The following MAD1L1 variants were observed in gnomAD, a reference collection of about 807,000 sequenced individuals.
The protein encoded by MAD1L1 is mitotic spindle assembly checkpoint protein MAD1.
Under a neutral mutation model 96.9 loss-of-function variants are expected in MAD1L1, and 95 were observed. The observed-to-expected ratio is 0.98, with a 90% CI of 0.83 to 1.16. MAD1L1 has a LOEUF of 1.16. Among genes scored for constraint, MAD1L1 ranks in the 50% most tolerant of loss-of-function variants. The pLI, the probability that MAD1L1 is intolerant of heterozygous loss-of-function variation, is 0.00. For missense variants in MAD1L1, 1,007 were observed against 954.4 expected (o/e 1.06, Z -0.73); for synonymous variants, 473 against 396.6 (o/e 1.19, Z -2.29).
chr7:1,970,281 C>G (rs1262854292), intron 15 of MAD1L1, among the ~76,000 whole-genome samples: 1 of 150,154 alleles, frequency 6.7e-6, no homozygotes, highest in Non-Finnish European at 1.5e-5. Context: ...GTTCATAGAG[C>G]TGTATCCTAT....
intron 18 of MAD1L1, among the ~76,000 whole-genome samples, chr7:1,887,848 C>A (rs28970524): frequency 1.2e-5 from 1 of 85,200 alleles, no homozygotes. Flanking sequence ...GCGTCCTGTG[C>A]GTGTGTGTGT....
chr7:1,970,242 T>C (rs1780343684), intron 15 of MAD1L1, among the ~76,000 whole-genome samples: 1 of 152,156 alleles, frequency 6.6e-6, no homozygotes, highest in Non-Finnish European at 1.5e-5. Flanking sequence ...GTTGATGTTA[T>C]TTTGCACTCT....
At chr7:2,223,030 G>C (rs1333404456) in intron 4 of MAD1L1, among the ~76,000 whole-genome samples, 3 of 152,224 alleles carry the variant, frequency 2.0e-5, no homozygotes, top group Admixed American at 6.5e-5. Flanking sequence ...CACACCGTCT[G>C]CTCAGCAGTT....
intron 18 of MAD1L1, among the ~76,000 whole-genome samples, chr7:1,895,152 C>T (rs1786787477): frequency 6.6e-6 from 1 of 152,172 alleles, no homozygotes; most frequent in Non-Finnish European, 1.5e-5. Flanking sequence ...GCAGGTGGGC[C>T]TTGATGCTGG....
At chr7:1,987,649 G>A (rs1029962171) in intron 14 of MAD1L1, among the ~76,000 whole-genome samples, 2 of 152,196 alleles carry the variant, frequency 1.3e-5, no homozygotes, top group Admixed American at 1.3e-4. Context: ...CAGTGCCCTC[G>A]CCCAGCCGCC....
intron 11 of MAD1L1, among the ~76,000 whole-genome samples, chr7:2,126,570 C>T (rs544091354): frequency 1.3e-5 from 2 of 152,268 alleles, no homozygotes; most frequent in East Asian, 1.9e-4. Context: ...CACTAAGAAT[C>T]GACACAGGCC....
Position 2,179,041 on chromosome 7 carries a change from C to G in MAD1L1, c.987-29803G>C, listed in dbSNP as rs542531679. Among the ~76,000 whole-genome samples the G allele has an allele frequency of 3.4e-4, 52 of 152,272 alleles. No homozygotes were observed. In the South Asian group the frequency reaches 5.6e-3, roughly 16 times the overall value. On this transcript the variant is annotated intron_variant, in intron 10 of 18. Coordinates refer to ENST00000265854, the MANE Select transcript of MAD1L1 (RefSeq NM_001013836.2). ...GAGTAAGAGCCTATGGAAGTTCACT[C>G]CACCATAAAAGCAACAGAAGAGTGA...
At chr7:1,956,586 C>G (rs1779737892) in intron 16 of MAD1L1, among the ~76,000 whole-genome samples, 1 of 152,242 alleles carries the variant, frequency 6.6e-6, no homozygotes, top group South Asian at 2.1e-4. Context: ...AGGGGCAGAG[C>G]CCCCACCCCT....
intron 13 of MAD1L1, among the ~76,000 whole-genome samples, chr7:2,009,325 C>A (rs886368427): frequency 2.6e-5 from 4 of 152,214 alleles, no homozygotes; most frequent in Non-Finnish European, 1.5e-5. Flanking sequence ...CACAGGACAG[C>A]CGGACTGAGG....
chr7:2,170,210 GGAAA>G (rs1790646742), intron 10 of MAD1L1, among the ~76,000 whole-genome samples: 1 of 152,198 alleles, frequency 6.6e-6, no homozygotes, highest in Admixed American at 6.5e-5. Flanking sequence ...GAGCCCCTGA[GGAAA>G]GAAGGCAGCC....
intron 18 of MAD1L1, among the ~76,000 whole-genome samples, chr7:1,889,998 G>A (rs902638694): frequency 6.6e-6 from 1 of 152,132 alleles, no homozygotes; most frequent in African/African-American, 2.4e-5. Context: ...AGGCAGCTGG[G>A]AGGTGGAGCT....
At chr7:2,159,180 C>T (rs1470914310) in intron 10 of MAD1L1, among the ~76,000 whole-genome samples, 3 of 152,228 alleles carry the variant, frequency 2.0e-5, no homozygotes, top group African/African-American at 7.2e-5. Context: ...AGCAAACCCT[C>T]GTCACGCTGT....
chr7:2,029,188 T>C (rs1783109777), intron 12 of MAD1L1, among the ~76,000 whole-genome samples: 1 of 152,248 alleles, frequency 6.6e-6, no homozygotes, highest in African/African-American at 2.4e-5. Flanking sequence ...TCCCATTCTG[T>C]AGTGTTAGTC....
chr7:2,031,236 C>G (rs1167491823), intron 12 of MAD1L1, among the ~76,000 whole-genome samples: 2 of 152,176 alleles, frequency 1.3e-5, no homozygotes, highest in East Asian at 3.9e-4. Flanking sequence ...ACACAGAGCA[C>G]GCTCCCTTCC....
At chr7:2,110,078 G>A (rs1054484856) in intron 11 of MAD1L1, among the ~76,000 whole-genome samples, 13 of 152,262 alleles carry the variant, frequency 8.5e-5, no homozygotes, top group East Asian at 3.8e-4. Context: ...AAAGCAGCGG[G>A]AAGTTCAGTT....
At chr7:1,880,291 G>C (rs1785611489) in intron 18 of MAD1L1, among the ~76,000 whole-genome samples, 1 of 152,194 alleles carries the variant, frequency 6.6e-6, no homozygotes, top group Admixed American at 6.5e-5. Flanking sequence ...AGGCTGGGCA[G>C]ATGGGGCCAC....
chr7:2,198,666 AGACAGACACTCCCT>A, intron 10 of MAD1L1, among the ~76,000 whole-genome samples: 1 of 152,188 alleles, frequency 6.6e-6, no homozygotes. Context: ...GGCGTCCATG[AGACAGACACTCCCT>A]GATGTGTCCC....
At chr7:1,868,810 G>A (rs1054063221) in intron 18 of MAD1L1, among the ~76,000 whole-genome samples, 5 of 152,328 alleles carry the variant, frequency 3.3e-5, no homozygotes, top group South Asian at 4.1e-4. Context: ...TGTCAGCTAA[G>A]GAGCTGAAGG....
chr7:2,044,954 AC>A (rs1783855929), intron 12 of MAD1L1, among the ~76,000 whole-genome samples: 1 of 152,168 alleles, frequency 6.6e-6, no homozygotes, highest in South Asian at 2.1e-4. Flanking sequence ...AGCAGCAGCA[AC>A]CATTCTCCGC....
Sources: allele counts gnomAD v4.1 joint callset (sites outside exome capture counted in the v4.1 genomes callset), GRCh38; gene constraint gnomAD v4.1.1; transcripts MANE v1.5; gene names NCBI Gene and HGNC (gene_info 2026-07-23, HGNC 2026-07-21).